The following AKAP12 variants were observed in gnomAD, a reference collection of about 807,000 sequenced individuals.
AKAP12 encodes the protein A-kinase anchoring protein 12, also known as A-kinase anchor protein 12.
In AKAP12, 32 loss-of-function variants were observed where a neutral mutation model predicts 79.9. That is an observed-to-expected ratio of 0.40 (90% CI 0.30 to 0.54). The LOEUF is 0.54. Among genes scored for constraint, AKAP12 ranks in the 20% least tolerant of loss-of-function variants. AKAP12 has a pLI of 0.48. For synonymous variants in AKAP12, 808 were observed against 857.0 expected, an observed-to-expected ratio of 0.94 and a Z score of 1.00; for missense variants, 2,074 against 2,177.0, an observed-to-expected ratio of 0.95 and a Z score of 0.94.
chr6:151,269,967 A>C (rs147838065), intron 2 of AKAP12, among the ~76,000 whole-genome samples: 229 of 152,318 alleles, frequency 1.5e-3, no homozygotes, highest in African/African-American at 4.6e-3. Context: ...CAATGGAATC[A>C]TACAATATGT....
Position 151,240,548 on chromosome 6 carries a change from A to G in AKAP12, c.-15A>G. 1 of 1,429,878 alleles carries G rather than the reference A, an allele frequency of 7.0e-7. No homozygotes were observed. The allele number at this position is 1,429,878 out of a possible 1,614,324, so 88.6% of individuals were successfully genotyped here. A position where few individuals can be genotyped will look rare whatever the true frequency, so the allele number is the denominator to read the frequency against. ...GTAACCCGGCGGCTAGGCGCGGGAG[A>G]AGTGCGGAGGAGCCATGGGCGCCGG... is the stretch of plus-strand genomic sequence containing the variant. On this transcript the variant is annotated 5_prime_UTR_variant, in exon 2 of 5. Coordinates refer to ENST00000402676, the MANE Select transcript of AKAP12 (RefSeq NM_005100.4).
At chr6:151,305,685 C>G (rs1776962408) in intron 2 of AKAP12, 62 bp from the exon 3 acceptor site, 2 of 1,483,994 alleles carry the variant, frequency 1.3e-6, no homozygotes, top group Non-Finnish European at 1.8e-6. Context: ...AAGTTAATGC[C>G]TTGTTTCTGA....
chr6:151,341,857 G>A, intron 3 of AKAP12: 4 of 1,208,548 alleles, frequency 3.3e-6, no homozygotes, highest in African/African-American at 1.6e-5. Context: ...TGGCCAAGGC[G>A]CGCAGGGACA....
intron 2 of AKAP12, among the ~76,000 whole-genome samples, chr6:151,276,494 G>A (rs1365468696): frequency 2.0e-5 from 3 of 152,216 alleles, no homozygotes; most frequent in African/African-American, 7.2e-5. Flanking sequence ...GGGCTGTAAT[G>A]GAATTGAGAA....
chr6:151,340,188 C>T (rs145275818), intron 3 of AKAP12, among the ~76,000 whole-genome samples: 36 of 151,522 alleles, frequency 2.4e-4, no homozygotes, highest in African/African-American at 8.7e-4. Context: ...CCACCTCGGC[C>T]TCCCAAAGTG....
rs117483595 is a variant in AKAP12 at position 151,284,264 on chromosome 6, A to T, written c.163-21483A>T. On this transcript the variant is annotated intron_variant, in intron 2 of 4. Coordinates refer to ENST00000402676, the MANE Select transcript of AKAP12 (RefSeq NM_005100.4). ...ATCTTTGAAACCTGCACGTTGAGTC[A>T]TGTCGTTACCAGAACTCCTGGCATC... Among the ~76,000 whole-genome samples the T allele has an allele frequency of 2.0e-3, 297 of 152,226 alleles. 2 individuals are homozygous for T. Among genetic ancestry groups the T allele is most frequent in the East Asian group, 0.01 (52 of 5,172 alleles).
intron 2 of AKAP12, among the ~76,000 whole-genome samples, chr6:151,253,288 C>A (rs1262849065): frequency 2.0e-5 from 3 of 152,128 alleles, no homozygotes; most frequent in Non-Finnish European, 4.4e-5. Context: ...TAATTTTTCA[C>A]AAAGTTATAG....
chr6:151,338,167 C>A (rs1777863411), intron 3 of AKAP12, among the ~76,000 whole-genome samples: 1 of 152,190 alleles, frequency 6.6e-6, no homozygotes, highest in Non-Finnish European at 1.5e-5. Context: ...TGACAGTTAT[C>A]AATATCATAC....
chr6:151,268,972 T>G (rs1012900835), intron 2 of AKAP12, among the ~76,000 whole-genome samples: 35 of 143,452 alleles, frequency 2.4e-4, no homozygotes, highest in African/African-American at 9.2e-4. Flanking sequence ...TTTTTTTTTT[T>G]TTTTTTTAAT....
intron 2 of AKAP12, among the ~76,000 whole-genome samples, chr6:151,294,416 CTGTCCACAG>C (rs1776682865): frequency 6.6e-6 from 1 of 152,238 alleles, no homozygotes; most frequent in Admixed American, 6.5e-5. Context: ...CCTGTAATTA[CTGTCCACAG>C]TGTCCACACA....
rs111437521 is a variant in AKAP12, at chr6:151,280,146, C to T, written c.163-25601C>T. Among the ~76,000 whole-genome samples, 431 of 151,758 alleles carry T rather than the reference C, an allele frequency of 2.8e-3. 4 individuals are homozygous for T. The highest frequency in any genetic ancestry group is 8.1e-3 in the African/African-American group (335 of 41,434). On this transcript the variant is annotated intron_variant, in intron 2 of 4. Transcript: ENST00000402676. ...TGGTTCAGTATACACAGATCTGGCT[C>T]ACTGCTTAATGGCTATATGTTCAGT...
chr6:151,254,512 C>T lies in AKAP12; in HGVS notation c.162+13788C>T, dbSNP rs376001641. Among the ~76,000 whole-genome samples the T allele has an allele frequency of 1.5e-3, 221 of 152,154 alleles. 1 individual carries two copies. The highest frequency in any genetic ancestry group is 5.0e-3 in the African/African-American group (207 of 41,514). Reference sequence around the variant, plus strand: ...GATTACAGGCATGCGCCACCACACTCGGCTAATTTTGTATTTTTAGTAGAG... The same window carrying T: ...GATTACAGGCATGCGCCACCACACTTGGCTAATTTTGTATTTTTAGTAGAG... On this transcript the variant is annotated intron_variant, in intron 2 of 4. Coordinates refer to ENST00000402676, the MANE Select transcript of AKAP12 (RefSeq NM_005100.4).
At chr6:151,287,240 A>T (rs1415932734) in intron 2 of AKAP12, among the ~76,000 whole-genome samples, 1 of 149,504 alleles carries the variant, frequency 6.7e-6, no homozygotes, top group East Asian at 2.0e-4. Context: ...CGCCCGGTCT[A>T]TTTTCTTTTT....
In AKAP12 at chr6:151,352,561, C is replaced by T; in HGVS notation, c.4170C>T (p.Ser1390=). 6.2e-7 allele frequency: 1 copy of T among 1,614,154 alleles called. No homozygotes were observed. Among genetic ancestry groups the T allele is most frequent in the Non-Finnish European group, 8.5e-7 (1 of 1,180,034 alleles). ...VPIIDGAKEV[S]SLEGSPPPCL... ...TCATAGATGGGGCAAAGGAAGTCAG[C>T]AGTTTGGAAGGAAGCCCTCCTCCCT... is the stretch of plus-strand genomic sequence containing the variant. Residue 1390 remains serine (S), a synonymous_variant, in exon 4 of 5, where the codon AGC becomes AGT. Transcript: ENST00000402676.
rs1392668296 is a variant in AKAP12, at chr6:151,265,890, C to G, written c.162+25166C>G. Among the ~76,000 whole-genome samples the G allele has an allele frequency of 2.0e-5, 3 of 152,118 alleles. 1 individual carries two copies. In the East Asian group the frequency reaches 5.8e-4, roughly 29 times the overall value. On this transcript the variant is annotated intron_variant, in intron 2 of 4. Coordinates refer to ENST00000402676, the MANE Select transcript of AKAP12 (RefSeq NM_005100.4). ...AGTGTGGGTTCACTAAGGATGAGCC[C>G]AACAATGACATTTATGTAATATTCT...
chr6:151,293,442 A>G lies in AKAP12; in HGVS notation c.163-12305A>G, dbSNP rs536023264. On this transcript the variant is annotated intron_variant, in intron 2 of 4. Coordinates refer to ENST00000402676, the MANE Select transcript of AKAP12 (RefSeq NM_005100.4). ...AACTCTTCACAATAACATTTTGCTTATTTTGCAATTGGAATTTGTGGAGGT... is the reference window on the plus strand; with the variant it reads ...AACTCTTCACAATAACATTTTGCTTGTTTTGCAATTGGAATTTGTGGAGGT... Among the ~76,000 whole-genome samples, 4 of 152,292 alleles carry G rather than the reference A, an allele frequency of 2.6e-5. No homozygotes were observed. The East Asian group carries it at 7.7e-4, about 29-fold the overall frequency.
chr6:151,353,646 A>C lies in AKAP12; in HGVS notation c.5255A>C (p.His1752Pro). ...QEVELQEGKVHSESDKAITPQ... is the reference protein window; with the variant it reads ...QEVELQEGKVPSESDKAITPQ... The stretch of plus-strand genomic sequence containing the variant: ...GTAGAATTGCAGGAAGGAAAAGTGC[A>C]CAGTGAATCAGATAAAGCGATCACA... Residue 1752 changes from histidine to proline, a missense_variant, in exon 4 of 5, where the codon CAC (histidine) becomes CCC (proline). This residue lies in a region of AKAP12 where 614 missense variants were observed against 665.6 expected (regional missense o/e 0.92). Coordinates refer to ENST00000402676, the MANE Select transcript of AKAP12 (RefSeq NM_005100.4). The C allele has an allele frequency of 6.2e-7, 1 of 1,614,176 alleles. No individual in the cohort carries two copies. The highest frequency in any genetic ancestry group is 8.5e-7 in the Non-Finnish European group (1 of 1,180,008).
intron 2 of AKAP12, among the ~76,000 whole-genome samples, chr6:151,278,738 G>A (rs976901560): frequency 6.6e-6 from 1 of 151,454 alleles, no homozygotes; most frequent in Non-Finnish European, 1.5e-5. Flanking sequence ...CGCGATCTCC[G>A]CTCACTGCAA....
rs181445931 is a variant in AKAP12, at chr6:151,300,846, C to G, written c.163-4901C>G. ...AGGGTTTTGATTTGTTCAAAGGAGG[C>G]ATTTGTGCTTTTTGAAGCACAAATC... On this transcript the variant is annotated intron_variant, in intron 2 of 4. Transcript: ENST00000402676. Among the ~76,000 whole-genome samples the G allele has an allele frequency of 1.6e-4, 25 of 152,016 alleles. 1 individual carries two copies. The South Asian group carries it at 3.5e-3, about 21-fold the overall frequency.
Sources: allele counts gnomAD v4.1 joint callset (sites outside exome capture counted in the v4.1 genomes callset), GRCh38; gene constraint gnomAD v4.1.1; regional missense constraint gnomAD v4.1.1; transcripts MANE v1.5; gene names NCBI Gene and HGNC (gene_info 2026-07-23, HGNC 2026-07-21).